The following CA13 variants were observed in gnomAD, a reference collection of about 807,000 sequenced individuals.
CA13 encodes carbonic anhydrase 13, also known as CA-XIII.
A neutral mutation model predicts 31.5 loss-of-function variants in CA13; 21 were observed. The ratio of observed to expected loss-of-function variants is 0.67; its 90% CI spans 0.47 to 0.96. The LOEUF (loss-of-function observed/expected upper bound fraction) is 0.96. CA13 is among the 40% of genes least tolerant of loss of function. The pLI is 0.00. For synonymous variants in CA13, 117 were observed against 111.4 expected, an observed-to-expected ratio of 1.05 and a Z score of -0.32; for missense variants, 315 against 318.9, an observed-to-expected ratio of 0.99 and a Z score of 0.09.
intron 6 of CA13, among the ~76,000 whole-genome samples, chr8:85,270,057 T>G (rs1807508497): frequency 6.6e-6 from 1 of 152,214 alleles, no homozygotes; most frequent in Admixed American, 6.5e-5. Context: ...GAAACTGTGC[T>G]TGAGGTGTGA....
At chr8:85,258,853 CTT>C (rs1267015937) in intron 2 of CA13, among the ~76,000 whole-genome samples, 2 of 142,962 alleles carry the variant, frequency 1.4e-5, no homozygotes, top group Non-Finnish European at 3.0e-5. Flanking sequence ...GGGAGGATGA[CTT>C]GAACCCAGAA....
intron 2 of CA13, among the ~76,000 whole-genome samples, chr8:85,251,473 A>G (rs1813827798): frequency 6.6e-6 from 1 of 152,250 alleles, no homozygotes; most frequent in Non-Finnish European, 1.5e-5. Flanking sequence ...ATGATAATTT[A>G]AAATTGACCT....
Position 85,274,936 on chromosome 8 carries a change from A to G in CA13, c.670-6294A>G, listed in dbSNP as rs371501326. ...CCGAGGGTGTTGCCTGCCTGCTTTG[A>G]AAGTAAAAAGAATCCAGCTTTAATT... is the stretch of plus-strand genomic sequence containing the variant. On this transcript the variant is annotated intron_variant, in intron 6 of 6. Transcript: ENST00000321764. Among the ~76,000 whole-genome samples, 44 of 152,264 alleles carry G rather than the reference A, an allele frequency of 2.9e-4. 1 individual carries two copies. In the South Asian group the frequency reaches 8.7e-3, roughly 30 times the overall value.
At chr8:85,278,241 G>C (rs1035730703) in intron 6 of CA13, among the ~76,000 whole-genome samples, 1 of 147,724 alleles carries the variant, frequency 6.8e-6, no homozygotes, top group African/African-American at 2.5e-5. Flanking sequence ...AATCCAGCCT[G>C]GGTGACAGAG....
chr8:85,256,832 T>G (rs1807303504), intron 2 of CA13, among the ~76,000 whole-genome samples: 1 of 152,126 alleles, frequency 6.6e-6, no homozygotes, highest in South Asian at 2.1e-4. Context: ...AATGAGAGAG[T>G]AGCTTGGTGT....
At chr8:85,280,969 C>T (rs2130022031) in intron 6 of CA13, among the ~76,000 whole-genome samples, 1 of 152,110 alleles carries the variant, frequency 6.6e-6, no homozygotes, top group East Asian at 1.9e-4. Context: ...CTCTTTAAAC[C>T]ACACTCTAGA....
intron 1 of CA13, among the ~76,000 whole-genome samples, chr8:85,246,117 A>T (rs1438496461): frequency 1.3e-5 from 2 of 152,192 alleles, no homozygotes; most frequent in Admixed American, 6.5e-5. Flanking sequence ...CCAAACTCCC[A>T]AGTGTTCATA....
chr8:85,281,086 C>A, intron 6 of CA13, 144 bp from the exon 7 acceptor site: 1 of 963,448 alleles, frequency 1.0e-6, no homozygotes, highest in Non-Finnish European at 1.5e-6. Context: ...AAAAGAGTTG[C>A]TTTATTATAT....
intron 2 of CA13, among the ~76,000 whole-genome samples, chr8:85,255,349 G>A (rs1190681170): frequency 2.6e-5 from 4 of 151,304 alleles, no homozygotes; most frequent in African/African-American, 9.7e-5. Flanking sequence ...TACAACCTCT[G>A]CCTCCTGGGT....
Position 85,245,586 on chromosome 8 carries a change from G to A in CA13, c.-243G>A. ...CCTCTAACTCAAATCTCTCATTCCC[G>A]AGTCCAAACTAAGAGAGACTCGCGC... On this transcript the variant is annotated 5_prime_UTR_variant, in exon 1 of 7. Transcript: ENST00000321764. The A allele has an allele frequency of 1.9e-6, 1 of 535,826 alleles. No individual in the cohort carries two copies. Among genetic ancestry groups the A allele is most frequent in the Admixed American group, 3.6e-5 (1 of 27,656 alleles). 33.2% of individuals were successfully genotyped at this position (535,826 alleles called of 1,614,324 possible). A position where few individuals can be genotyped will look rare whatever the true frequency, so the allele number is the denominator to read the frequency against.
chr8:85,276,866 A>G (rs1807618836), intron 6 of CA13, among the ~76,000 whole-genome samples: 1 of 148,450 alleles, frequency 6.7e-6, no homozygotes, highest in African/African-American at 2.5e-5. Context: ...TTGTAAATAC[A>G]CCAATCGGCA....
intron 6 of CA13, among the ~76,000 whole-genome samples, chr8:85,276,681 T>C (rs1807614895): frequency 6.6e-6 from 1 of 152,060 alleles, no homozygotes; most frequent in African/African-American, 2.4e-5. Flanking sequence ...AGAACCTTTA[T>C]GTCTAGCTAA....
intron 1 of CA13, chr8:85,246,318 G>A: frequency 2.2e-6 from 1 of 455,108 alleles, no homozygotes; most frequent in South Asian, 1.6e-5. Context: ...AATATATTTA[G>A]GAAATCTTAA....
chr8:85,271,058 A>G (rs1445342312), intron 6 of CA13, among the ~76,000 whole-genome samples: 1 of 152,232 alleles, frequency 6.6e-6, no homozygotes, highest in East Asian at 1.9e-4. Flanking sequence ...AACCAAATTG[A>G]GAAAGTTATT....
intron 3 of CA13, among the ~76,000 whole-genome samples, chr8:85,262,519 A>C (rs559880557): frequency 9.9e-4 from 150 of 152,212 alleles, no homozygotes; most frequent in African/African-American, 3.3e-3. Flanking sequence ...TGGAGAATGA[A>C]GGGGAGAGTT....
intron 6 of CA13, among the ~76,000 whole-genome samples, chr8:85,272,431 T>G (rs2129995976): frequency 6.6e-6 from 1 of 151,926 alleles, no homozygotes; most frequent in South Asian, 2.1e-4. Context: ...AATTTTTGTA[T>G]TTTTAGTAGA....
At chr8:85,251,669 T>G (rs1219781535) in intron 2 of CA13, among the ~76,000 whole-genome samples, 1 of 152,206 alleles carries the variant, frequency 6.6e-6, no homozygotes, top group Non-Finnish European at 1.5e-5. Context: ...TAAAAAAAAC[T>G]TATTCTCTTA....
chr8:85,273,192 C>A (rs1807551526), intron 6 of CA13, among the ~76,000 whole-genome samples: 1 of 152,208 alleles, frequency 6.6e-6, no homozygotes, highest in South Asian at 2.1e-4. Context: ...TATGAGATTT[C>A]TAGTTGCTTC....
At chr8:85,266,796 T>A in intron 4 of CA13, 93 bp downstream of exon 4, 1 of 890,330 alleles carries the variant, frequency 1.1e-6, no homozygotes, top group Non-Finnish European at 1.8e-6. Flanking sequence ...TGTTTAATAG[T>A]AAATTCATTT....
Sources: gnomAD v4.1 joint callset for allele counts (sites outside exome capture counted in the v4.1 genomes callset) on GRCh38, gnomAD v4.1.1 for gene constraint, MANE v1.5 for transcripts, NCBI Gene and HGNC (gene_info 2026-07-23, HGNC 2026-07-21) for gene names.